Variants in TMEM117 observed in about 807,000 individuals in gnomAD.
The protein encoded by TMEM117 is transmembrane protein 117.
A neutral mutation model predicts 52.4 loss-of-function variants in TMEM117; 27 were observed. The observed-to-expected ratio is 0.51, with a 90% CI of 0.38 to 0.71. TMEM117 has a LOEUF of 0.71. Among genes scored for constraint, TMEM117 ranks in the 30% least tolerant of loss-of-function variants. The probability of loss-of-function intolerance (pLI) is 0.00; values close to 1 mark genes in which losing one functional copy is unlikely to be tolerated. For synonymous variants in TMEM117, 215 were observed against 206.3 expected (o/e 1.04, Z -0.36); for missense variants, 556 against 630.5 (o/e 0.88, Z 1.26).
chr12:43,843,800 G>A lies in TMEM117; in HGVS notation c.-28-824G>A, dbSNP rs552151058. Among the ~76,000 whole-genome samples the A allele has an allele frequency of 9.2e-5, 14 of 152,290 alleles. No individual in the cohort carries two copies. In the South Asian group the frequency reaches 2.9e-3, roughly 32 times the overall value. On this transcript the variant is annotated intron_variant, in intron 1 of 7. Coordinates refer to ENST00000266534, the MANE Select transcript of TMEM117 (RefSeq NM_032256.3). ...GGGCTACTACTCTACTGTAGACTTA[G>A]CTATTTCATAGAACTTACTCTCTAT...
intron 3 of TMEM117, among the ~76,000 whole-genome samples, chr12:44,083,298 G>A (rs921451385): frequency 1.4e-5 from 2 of 143,848 alleles, no homozygotes; most frequent in Non-Finnish European, 3.0e-5. Flanking sequence ...ATGACAAACT[G>A]TTTTCAAAAA....
At chr12:44,118,789 A>C (rs1192532898) in intron 3 of TMEM117, among the ~76,000 whole-genome samples, 2 of 152,126 alleles carry the variant, frequency 1.3e-5, no homozygotes, top group Admixed American at 1.3e-4. Context: ...AACTTAATGC[A>C]GTTTATTTTT....
At chr12:44,302,258 C>T (rs1350460528) in intron 6 of TMEM117, among the ~76,000 whole-genome samples, 1 of 152,162 alleles carries the variant, frequency 6.6e-6, no homozygotes, top group East Asian at 1.9e-4. Flanking sequence ...TCCATGACTC[C>T]TCATTGTCCG....
chr12:44,322,712 T>C (rs1206602164), intron 6 of TMEM117, among the ~76,000 whole-genome samples: 2 of 152,116 alleles, frequency 1.3e-5, no homozygotes, highest in Admixed American at 6.6e-5. Flanking sequence ...TACATGGACA[T>C]TTTAATGCCA....
chr12:44,200,104 G>GC (rs1242434763), intron 4 of TMEM117, among the ~76,000 whole-genome samples: 1 of 152,124 alleles, frequency 6.6e-6, no homozygotes, highest in African/African-American at 2.4e-5. Flanking sequence ...GGGCATTAGA[G>GC]CGAGACTCCA....
chr12:44,091,075 TC>T (rs1040693525), intron 3 of TMEM117, among the ~76,000 whole-genome samples: 1 of 152,128 alleles, frequency 6.6e-6, no homozygotes, highest in Non-Finnish European at 1.5e-5. Context: ...GATTTACAGT[TC>T]CACATGGCTG....
intron 6 of TMEM117, among the ~76,000 whole-genome samples, chr12:44,329,550 T>A (rs1394305237): frequency 1.3e-5 from 2 of 152,242 alleles, no homozygotes; most frequent in Non-Finnish European, 2.9e-5. Flanking sequence ...CTTACCATTT[T>A]AAAAAGTGTC....
chr12:44,061,757 T>A (rs1223048286), intron 3 of TMEM117, among the ~76,000 whole-genome samples: 2 of 152,156 alleles, frequency 1.3e-5, no homozygotes, highest in African/African-American at 4.8e-5. Context: ...AATTTGTCAT[T>A]GTTGTTTTAT....
chr12:44,302,422 G>A (rs1390865780), intron 6 of TMEM117, among the ~76,000 whole-genome samples: 4 of 152,156 alleles, frequency 2.6e-5, no homozygotes, highest in Non-Finnish European at 5.9e-5. Flanking sequence ...CCCAGTGTCA[G>A]GAGTCTCTTG....
intron 4 of TMEM117, among the ~76,000 whole-genome samples, chr12:44,156,393 G>T (rs1948826276): frequency 6.6e-6 from 1 of 151,970 alleles, no homozygotes; most frequent in Non-Finnish European, 1.5e-5. Context: ...TTGTTTAGTT[G>T]GGTGCTCTAA....
At chr12:43,994,454 A>C (rs1705471938) in intron 3 of TMEM117, among the ~76,000 whole-genome samples, 2 of 152,296 alleles carry the variant, frequency 1.3e-5, no homozygotes, top group South Asian at 4.1e-4. Context: ...ATGATGGCCA[A>C]AATTTTTTTC....
the TMEM117 span, among the ~76,000 whole-genome samples, chr12:43,807,506 A>T: frequency 2.0e-5 from 3 of 152,324 alleles, no homozygotes; most frequent in South Asian, 6.2e-4. Context: ...TTCCTGACAC[A>T]ATGGTTCACC....
chr12:44,253,825 T>A (rs1468216504), intron 5 of TMEM117, among the ~76,000 whole-genome samples: 7 of 140,042 alleles, frequency 5.0e-5, no homozygotes, highest in African/African-American at 1.4e-4. Context: ...TGTGCTATAC[T>A]GATAATTCCT....
At chr12:44,308,619 CTTT>C (rs35047531) in intron 6 of TMEM117, among the ~76,000 whole-genome samples, 6 of 137,936 alleles carry the variant, frequency 4.3e-5, no homozygotes, top group Admixed American at 2.2e-4. Context: ...TTCTTTGTAA[CTTT>C]TTTTTTTTTT....
chr12:44,064,402 G>A (rs1947189223), intron 3 of TMEM117, among the ~76,000 whole-genome samples: 1 of 152,126 alleles, frequency 6.6e-6, no homozygotes, highest in African/African-American at 2.4e-5. Context: ...CTTCAATAAA[G>A]TTTAGGGATT....
At chr12:43,831,636 C>T (rs1391537556), upstream of TMEM117, among the ~76,000 whole-genome samples, 1 of 151,822 alleles carries the variant, frequency 6.6e-6, no homozygotes, top group Non-Finnish European at 1.5e-5. Flanking sequence ...CTCCACCTCC[C>T]AGGTTCAAGT....
intron 4 of TMEM117, among the ~76,000 whole-genome samples, chr12:44,210,370 C>G (rs1369844794): frequency 6.6e-6 from 1 of 152,102 alleles, no homozygotes; most frequent in Non-Finnish European, 1.5e-5. Flanking sequence ...ATTTATAATA[C>G]TTTGGGCTTC....
chr12:44,351,318 TTTG>T (rs964045097), intron 6 of TMEM117, among the ~76,000 whole-genome samples: 1 of 152,036 alleles, frequency 6.6e-6, no homozygotes, highest in African/African-American at 2.4e-5. Flanking sequence ...GTCTCTTCAC[TTTG>T]TTGATTATTC....
intron 3 of TMEM117, among the ~76,000 whole-genome samples, chr12:44,094,245 A>C (rs1381078852): frequency 6.6e-6 from 1 of 152,154 alleles, no homozygotes; most frequent in African/African-American, 2.4e-5. Flanking sequence ...AGATCATAGT[A>C]AGTCATGGGC....
Sources: gnomAD v4.1 joint callset for allele counts (sites outside exome capture counted in the v4.1 genomes callset) on GRCh38, gnomAD v4.1.1 for gene constraint, MANE v1.5 for transcripts, NCBI Gene and HGNC (gene_info 2026-07-23, HGNC 2026-07-21) for gene names.